The following ELP6 variants were observed in gnomAD, a reference collection of about 807,000 sequenced individuals.
The protein encoded by ELP6 is elongator complex protein 6.
ELP6 carries 23 observed loss-of-function variants against 28.1 expected under a neutral mutation model. The observed-to-expected ratio is 0.82, with a 90% CI of 0.59 to 1.16. The LOEUF (loss-of-function observed/expected upper bound fraction) is 1.16. Ranked by LOEUF, ELP6 falls within the 50% of genes most tolerant of loss-of-function variation. ELP6 has a pLI of 0.00. For missense variants in ELP6, 313 were observed against 334.6 expected (o/e 0.94, Z 0.50); for synonymous variants, 132 against 135.8 (o/e 0.97, Z 0.19).
intron 6 of ELP6, 136 bp from the exon 7 acceptor site, chr3:47,496,333 G>A: frequency 7.0e-7 from 1 of 1,421,626 alleles, no homozygotes; most frequent in Non-Finnish European, 9.1e-7. Context: ...CTGGTAATGG[G>A]GCCAACTTGT....
chr3:47,497,412 C>G, intron 6 of ELP6: 2 of 886,926 alleles, frequency 2.3e-6, no homozygotes, highest in Non-Finnish European at 2.7e-6. Flanking sequence ...TCTTGGCTCA[C>G]TGCAACCTCC....
chr3:47,497,393 G>A lies in ELP6; in HGVS notation c.672+893C>T, dbSNP rs550116848. On this transcript the variant is annotated intron_variant, in intron 6 of 6. Coordinates refer to ENST00000296149, the MANE Select transcript of ELP6 (RefSeq NM_001031703.3). The stretch of plus-strand genomic sequence containing the variant: ...ACTCTGTCGCCCAGGCTGGAGTGCA[G>A]TGGCGCGATCTTGGCTCACTGCAAC... The A allele has an allele frequency of 1.0e-5, 10 of 968,046 alleles. 1 individual carries two copies. The South Asian group carries it at 2.4e-4, about 23-fold the overall frequency. 60.0% of individuals were successfully genotyped at this position (968,046 alleles called of 1,614,324 possible). A position where few individuals can be genotyped will look rare whatever the true frequency, so the allele number is the denominator to read the frequency against.
chr3:47,499,086 G>T (rs1268411099), intron 5 of ELP6, among the ~76,000 whole-genome samples: 1 of 152,222 alleles, frequency 6.6e-6, no homozygotes, highest in Non-Finnish European at 1.5e-5. Flanking sequence ...TTGTTAAAAA[G>T]AATAAAGCTG....
intron 5 of ELP6, among the ~76,000 whole-genome samples, chr3:47,499,110 G>A (rs1708563324): frequency 6.6e-6 from 1 of 152,256 alleles, no homozygotes; most frequent in South Asian, 2.1e-4. Flanking sequence ...GGGGACAGTG[G>A]TGCATGCCTG....
At chr3:47,499,346 G>A (rs946362063) in intron 5 of ELP6, among the ~76,000 whole-genome samples, 2 of 152,084 alleles carry the variant, frequency 1.3e-5, no homozygotes, top group Admixed American at 6.6e-5. Flanking sequence ...GTGAAACCCC[G>A]TCTCTACTAA....
At chr3:47,507,876 C>T (rs969752294) in intron 3 of ELP6, among the ~76,000 whole-genome samples, 6 of 151,798 alleles carry the variant, frequency 4.0e-5, no homozygotes, top group African/African-American at 1.5e-4. Flanking sequence ...GCTCACGCTC[C>T]AGTACTTCAC....
Position 47,496,197 on chromosome 3 carries a change from G to A in ELP6, c.673C>T (p.Leu225=), listed in dbSNP as rs1708475016. 2.5e-6 allele frequency: 4 copies of A among 1,613,380 alleles called. No individual in the cohort carries two copies. The highest frequency in any genetic ancestry group is 3.4e-6 in the Non-Finnish European group (4 of 1,179,842). ...TGFCRDVHGQ[L]RILWRRPSQP... is the part of the protein sequence containing the mutation. ...GATGGTCTCCTCCACAGGATCCTCA[G>A]CTACAGAGACAGAGAAGAATGAAAG... The change falls in exon 7 of 7, where the codon CTG becomes TTG. Residue 225 remains leucine, a splice_region_variant and synonymous_variant. Coordinates refer to ENST00000296149, the MANE Select transcript of ELP6 (RefSeq NM_001031703.3).
At chr3:47,499,518 CA>C (rs36125510) in intron 5 of ELP6, among the ~76,000 whole-genome samples, 9 of 16,980 alleles carry the variant, frequency 5.3e-4, no homozygotes, top group Non-Finnish European at 7.0e-4. Context: ...GAGTCCATCT[CA>C]AAAAAAAAAA....
chr3:47,513,370 C>A (rs1257900370), intron 1 of ELP6, 167 bp downstream of exon 1: 14 of 1,410,092 alleles, frequency 9.9e-6, no homozygotes, highest in Non-Finnish European at 1.3e-5. Context: ...TCGGCGGGCC[C>A]AAGCCTCCAG....
intron 3 of ELP6, among the ~76,000 whole-genome samples, chr3:47,507,955 A>AAAAAAG (rs778778205): frequency 0.36 from 54,397 of 152,034 alleles, 10,065 homozygotes; most frequent in Middle Eastern, 0.48. Flanking sequence ...AAAAGTAGCC[A>AAAAAAG]GTTTAGATAT....
intron 5 of ELP6, 147 bp downstream of exon 5, chr3:47,501,503 A>C (rs1320971647): frequency 1.4e-6 from 1 of 718,106 alleles, no homozygotes; most frequent in African/African-American, 1.8e-5. Context: ...AAGGGAAAAC[A>C]GGGTGGCTGC....
chr3:47,496,316 G>A (rs1708478007), intron 6 of ELP6, 119 bp from the exon 7 acceptor site: 4 of 1,437,676 alleles, frequency 2.8e-6, no homozygotes, highest in Non-Finnish European at 2.7e-6. Flanking sequence ...ATAGTCAGAT[G>A]TGCCATCTGG....
At chr3:47,504,946 C>T (rs1024904601) in intron 3 of ELP6, among the ~76,000 whole-genome samples, 10 of 151,946 alleles carry the variant, frequency 6.6e-5, no homozygotes, top group East Asian at 3.9e-4. Flanking sequence ...AGCAACAGAG[C>T]GAAACCCTGT....
intron 1 of ELP6, chr3:47,513,157 A>G: frequency 6.6e-6 from 6 of 902,290 alleles, no homozygotes; most frequent in Non-Finnish European, 8.1e-6. Context: ...CGCCCGGCTA[A>G]TTTTTGTATT....
chr3:47,508,222 TTTTA>T (rs1334806330), intron 3 of ELP6, among the ~76,000 whole-genome samples: 2 of 152,186 alleles, frequency 1.3e-5, no homozygotes, highest in African/African-American at 4.8e-5. Context: ...CTGGATTTTA[TTTTA>T]TTTTTTATTT....
intron 6 of ELP6, chr3:47,497,098 G>T: frequency 1.0e-6 from 1 of 975,892 alleles, no homozygotes; most frequent in Non-Finnish European, 1.2e-6. Context: ...CACTCTTATT[G>T]GGTCAGGAGT....
chr3:47,509,849 GCT>G (rs1430487534), intron 3 of ELP6: 1 of 172,254 alleles, frequency 5.8e-6, no homozygotes, highest in Non-Finnish European at 1.2e-5. Context: ...GCAACCTCTG[GCT>G]CCCGGGTTCA....
chr3:47,513,557 T>C lies in ELP6; in HGVS notation c.34A>G (p.Thr12Ala). 6.2e-7 allele frequency: 1 copy of C among 1,612,404 alleles called. No homozygotes were observed. Among genetic ancestry groups the C allele is most frequent in the Non-Finnish European group, 8.5e-7 (1 of 1,179,400 alleles). The change falls in exon 1 of 7, where the codon ACC becomes GCC. Residue 12 changes from threonine (T) to alanine (A), a missense_variant. Transcript: ENST00000296149. Reference sequence around the variant, plus strand: ...CTTACCTGCTCCGCCCTGTCGGGGGTGGTGTTAAGCAGGTTATTAAGTTCC... The same window carrying C: ...CTTACCTGCTCCGCCCTGTCGGGGGCGGTGTTAAGCAGGTTATTAAGTTCC... ...FVELNNLLNTTPDRAEQGKLT... is the reference protein window; with the variant it reads ...FVELNNLLNTAPDRAEQGKLT...
rs146074624 is a variant in ELP6, at chr3:47,498,416, A to G, written c.542T>C (p.Leu181Pro). ...CTCCGCATCTCCACTGTCGTGCACA[A>G]GGACCACCATGTTTCCCTGCATCAG... ...CWELKGNMVV[L>P]VHDSGDAEDE... Residue 181 changes from leucine to proline, a missense_variant, in exon 6 of 7, where the codon CTT becomes CCT. Coordinates refer to ENST00000296149, the MANE Select transcript of ELP6 (RefSeq NM_001031703.3). 3 of 1,612,902 alleles carry G rather than the reference A, an allele frequency of 1.9e-6. No homozygotes were observed. In the East Asian group the frequency reaches 6.7e-5, roughly 36 times the overall value.
Sources: allele counts gnomAD v4.1 joint callset (sites outside exome capture counted in the v4.1 genomes callset), GRCh38; gene constraint gnomAD v4.1.1; transcripts MANE v1.5; gene names NCBI Gene and HGNC (gene_info 2026-07-23, HGNC 2026-07-21).